CDH13: variants seen among roughly 807,000 people sequenced by gnomAD.
CDH13 encodes cadherin 13, also known as cadherin-13.
CDH13 carries 24 observed loss-of-function variants against 63.8 expected under a neutral mutation model. That is an observed-to-expected ratio of 0.38 (90% CI 0.27 to 0.53). CDH13 has a LOEUF of 0.53. CDH13 is among the 20% of genes least tolerant of loss of function. The pLI, the probability that CDH13 is intolerant of heterozygous loss-of-function variation, is 0.85. For missense variants in CDH13, 1,049 were observed against 903.1 expected (o/e 1.16, Z -2.07); for synonymous variants, 503 against 355.3 (o/e 1.42, Z -4.67).
intron 5 of CDH13, among the ~76,000 whole-genome samples, chr16:83,344,209 C>T (rs149767674): frequency 0.013 from 2,010 of 152,302 alleles, 50 homozygotes; most frequent in African/African-American, 0.046. Flanking sequence ...CATAATTCTT[C>T]GTTTCCAAGA....
At chr16:83,745,365 T>A (rs1226638140) in intron 10 of CDH13, among the ~76,000 whole-genome samples, 1 of 152,100 alleles carries the variant, frequency 6.6e-6, no homozygotes, top group Admixed American at 6.5e-5. Context: ...ACAAAAAGGA[T>A]TGATACCAAC....
chr16:83,200,055 G>C (rs979980371), intron 4 of CDH13, among the ~76,000 whole-genome samples: 1 of 152,164 alleles, frequency 6.6e-6, no homozygotes, highest in African/African-American at 2.4e-5. Context: ...GAGATCCCTG[G>C]ACAGCGCCTC....
chr16:83,518,305 G>A (rs957356352), intron 7 of CDH13, among the ~76,000 whole-genome samples: 7 of 151,536 alleles, frequency 4.6e-5, no homozygotes, highest in African/African-American at 1.7e-4. Context: ...CACCACACGT[G>A]GCTAATTTTT....
chr16:83,547,615 C>T (rs1472931111), intron 7 of CDH13, among the ~76,000 whole-genome samples: 1 of 152,210 alleles, frequency 6.6e-6, no homozygotes, highest in Non-Finnish European at 1.5e-5. Flanking sequence ...ATCCATGTTC[C>T]TGCAAAGGAC....
chr16:83,708,162 C>T (rs952748135), intron 10 of CDH13, among the ~76,000 whole-genome samples: 1 of 152,220 alleles, frequency 6.6e-6, no homozygotes, highest in Admixed American at 6.5e-5. Flanking sequence ...CCCAAAGCCA[C>T]CGGGAGAACC....
intron 5 of CDH13, among the ~76,000 whole-genome samples, chr16:83,281,331 A>C (rs7195546): frequency 0.99 from 150,981 of 152,330 alleles, 74,842 homozygotes; most frequent in Middle Eastern, 1. Flanking sequence ...TCTGCAGATT[A>C]TTCACCTCTC....
intron 4 of CDH13, among the ~76,000 whole-genome samples, chr16:83,177,883 T>C (rs975954805): frequency 3.1e-4 from 47 of 152,204 alleles, no homozygotes; most frequent in Admixed American, 3.1e-3. Context: ...CACCATGCTA[T>C]AAACACACCA....
chr16:83,735,687 T>C (rs1001101959), intron 10 of CDH13: 1 of 152,166 alleles, frequency 6.6e-6, no homozygotes, highest in East Asian at 1.9e-4. Flanking sequence ...ACATCTTTTG[T>C]GAGATTGACA....
In CDH13 at chr16:83,381,008, C is replaced by G. The variant is rs115397507; in HGVS notation, c.781+36002C>G. Reference sequence around the variant, plus strand: ...TGTCTATGTTTCTATAATTAAATAACTATGTTCCTATCCATTTAAAATACA... The same window carrying G: ...TGTCTATGTTTCTATAATTAAATAAGTATGTTCCTATCCATTTAAAATACA... On this transcript the variant is annotated intron_variant, in intron 6 of 13. Transcript: ENST00000567109. 3.2e-3 allele frequency among the ~76,000 whole-genome samples: 483 copies of G among 152,152 alleles called. 2 individuals carry two copies. The highest frequency in any genetic ancestry group is 0.011 in the African/African-American group (454 of 41,524).
In CDH13 at chr16:83,382,580, A is replaced by G. The variant is rs566052106; in HGVS notation, c.781+37574A>G. Among the ~76,000 whole-genome samples, 11 of 152,238 alleles carry G rather than the reference A, an allele frequency of 7.2e-5. No individual in the cohort carries two copies. In the East Asian group the frequency reaches 2.1e-3, roughly 29 times the overall value. ...TCCTGCATAACCACCATGCAAACCC[A>G]CAAGTCAAGAAATGAGCACTGAAAC... On this transcript the variant is annotated intron_variant, in intron 6 of 13. Coordinates refer to ENST00000567109, the MANE Select transcript of CDH13 (RefSeq NM_001257.5).
chr16:82,664,781 T>G (rs946779690), intron 1 of CDH13, among the ~76,000 whole-genome samples: 1 of 152,230 alleles, frequency 6.6e-6, no homozygotes, highest in South Asian at 2.1e-4. Context: ...GTTTTTGATA[T>G]GAAACAGTAA....
At chr16:83,090,143 C>G (rs2033821345) in intron 3 of CDH13, among the ~76,000 whole-genome samples, 1 of 152,118 alleles carries the variant, frequency 6.6e-6, no homozygotes, top group Non-Finnish European at 1.5e-5. Context: ...TCCTCCTACC[C>G]CAGGTCCCAG....
intron 3 of CDH13, among the ~76,000 whole-genome samples, chr16:83,048,714 C>T (rs752009569): frequency 4.6e-5 from 7 of 152,126 alleles, no homozygotes; most frequent in Non-Finnish European, 7.3e-5. Flanking sequence ...TTCACTTGTA[C>T]CCTTGAACTC....
chr16:83,275,699 A>G (rs2088965769), intron 5 of CDH13, among the ~76,000 whole-genome samples: 2 of 152,102 alleles, frequency 1.3e-5, no homozygotes, highest in African/African-American at 4.8e-5. Flanking sequence ...ACTTGTGACT[A>G]CAGGATTAAT....
chr16:83,474,875 A>G (rs1306768150), intron 6 of CDH13, among the ~76,000 whole-genome samples: 1 of 152,186 alleles, frequency 6.6e-6, no homozygotes, highest in Non-Finnish European at 1.5e-5. Context: ...CCATAGGGAA[A>G]CAACCGCTGG....
intron 4 of CDH13, among the ~76,000 whole-genome samples, chr16:83,211,764 C>G (rs373462594): frequency 8.3e-4 from 127 of 152,208 alleles, no homozygotes; most frequent in African/African-American, 2.3e-3. Context: ...ACCTCCCCCC[C>G]CCAAACAGCC....
chr16:83,401,247 G>A (rs933188911), intron 6 of CDH13, among the ~76,000 whole-genome samples: 3 of 151,802 alleles, frequency 2.0e-5, no homozygotes, highest in East Asian at 1.9e-4. Context: ...GCTGAGGCAG[G>A]AGAATCGCTT....
intron 5 of CDH13, among the ~76,000 whole-genome samples, chr16:83,312,236 C>T (rs1310700183): frequency 6.6e-6 from 1 of 152,126 alleles, no homozygotes; most frequent in African/African-American, 2.4e-5. Flanking sequence ...AGTCTGTGTC[C>T]ATACAGATGC....
intron 6 of CDH13, among the ~76,000 whole-genome samples, chr16:83,384,622 G>C (rs1458776952): frequency 6.6e-6 from 1 of 152,192 alleles, no homozygotes; most frequent in African/African-American, 2.4e-5. Flanking sequence ...GGTCACTCTG[G>C]CACTTGCATG....
Sources: gnomAD v4.1 joint callset for allele counts (sites outside exome capture counted in the v4.1 genomes callset) on GRCh38, gnomAD v4.1.1 for gene constraint, MANE v1.5 for transcripts, NCBI Gene and HGNC (gene_info 2026-07-23, HGNC 2026-07-21) for gene names.